SH3RF3: variants seen among roughly 807,000 people sequenced by gnomAD.
The protein encoded by SH3RF3 is E3 ubiquitin-protein ligase SH3RF3.
In SH3RF3, 29 loss-of-function variants were observed where a neutral mutation model predicts 66.3. The ratio of observed to expected loss-of-function variants is 0.44; its 90% CI spans 0.33 to 0.60. The LOEUF (loss-of-function observed/expected upper bound fraction) is 0.60, where lower values mean the gene tolerates loss of function less well. Ranked by LOEUF, SH3RF3 falls within the 20% of genes least tolerant of loss-of-function variation. The probability of loss-of-function intolerance (pLI) is 0.04; values close to 1 mark genes in which losing one functional copy is unlikely to be tolerated. For missense variants in SH3RF3, 1,194 were observed against 1,190.9 expected, an observed-to-expected ratio of 1.00 and a Z score of -0.04; for synonymous variants, 583 against 532.0, an observed-to-expected ratio of 1.10 and a Z score of -1.32.
intron 2 of SH3RF3, among the ~76,000 whole-genome samples, chr2:109,369,707 C>T (rs1574602290): frequency 6.6e-6 from 1 of 152,294 alleles, no homozygotes; most frequent in South Asian, 2.1e-4. Context: ...CCAGCCTGCC[C>T]TCCTTCTGTG....
At chr2:109,373,552 A>G (rs1683320418) in intron 3 of SH3RF3, among the ~76,000 whole-genome samples, 1 of 152,182 alleles carries the variant, frequency 6.6e-6, no homozygotes, top group Non-Finnish European at 1.5e-5. Flanking sequence ...AGCCAGACAT[A>G]AAAGTAAATG....
intron 2 of SH3RF3, among the ~76,000 whole-genome samples, chr2:109,368,954 T>C (rs958936064): frequency 2.0e-5 from 3 of 152,044 alleles, no homozygotes; most frequent in African/African-American, 4.8e-5. Context: ...GGTGGTGAGC[T>C]TGAGAGGCAA....
At chr2:109,222,837 C>G (rs995987868) in intron 1 of SH3RF3, among the ~76,000 whole-genome samples, 17 of 152,266 alleles carry the variant, frequency 1.1e-4, no homozygotes, top group African/African-American at 3.6e-4. Flanking sequence ...TTCCAGTTCT[C>G]AGCCAGCAGC....
At chr2:109,222,696 A>G (rs546745370) in intron 1 of SH3RF3, among the ~76,000 whole-genome samples, 3 of 152,306 alleles carry the variant, frequency 2.0e-5, no homozygotes, top group Admixed American at 6.5e-5. Flanking sequence ...CCTCCTCCCT[A>G]AAACCCTGGG....
At chr2:109,357,371 C>T (rs1295053438) in intron 2 of SH3RF3, among the ~76,000 whole-genome samples, 6 of 152,152 alleles carry the variant, frequency 3.9e-5, no homozygotes, top group African/African-American at 9.6e-5. Flanking sequence ...TTAGTAGAGA[C>T]GAGGTTTCAC....
chr2:109,295,832 C>T (rs1203679126), intron 1 of SH3RF3, among the ~76,000 whole-genome samples: 1 of 152,144 alleles, frequency 6.6e-6, no homozygotes, highest in Non-Finnish European at 1.5e-5. Flanking sequence ...ACTCCCTGCA[C>T]GGGCATCTCT....
At chr2:109,195,629 T>C (rs1263534297) in intron 1 of SH3RF3, among the ~76,000 whole-genome samples, 1 of 152,206 alleles carries the variant, frequency 6.6e-6, no homozygotes, top group Admixed American at 6.5e-5. Context: ...GATGCCTCTT[T>C]CCCCGCAGGC....
At position 109,490,717 on chromosome 2, in the gene SH3RF3, C is replaced by T; in HGVS notation, c.2261C>T (p.Ala754Val). 1 of 1,535,094 alleles carries T rather than the reference C, an allele frequency of 6.5e-7. No homozygotes were observed. Among genetic ancestry groups the T allele is most frequent in the Non-Finnish European group, 8.7e-7 (1 of 1,145,312 alleles). Residue 754 changes from alanine (A) to valine (V), a missense_variant, in exon 9 of 10, where the codon GCC becomes GTC. Ala to Val is a moderately conservative substitution (Grantham distance 64, BLOSUM62 0). Transcript: ENST00000309415. ...PTHDPQVAVD[A>V]LLQGAVGPEV... Reference sequence around the variant, plus strand: ...CACGACCCCCAGGTGGCCGTGGACGCCCTGCTCCAAGGTGCAGTGGGCCCC... The same window carrying T: ...CACGACCCCCAGGTGGCCGTGGACGTCCTGCTCCAAGGTGCAGTGGGCCCC...
chr2:109,357,476 C>T (rs1407983857), intron 2 of SH3RF3, among the ~76,000 whole-genome samples: 6 of 152,296 alleles, frequency 3.9e-5, no homozygotes, highest in South Asian at 4.1e-4. Flanking sequence ...CCACCGCACC[C>T]GGCCAACAGA....
At chr2:109,246,717 C>T (rs1679926708) in intron 1 of SH3RF3, among the ~76,000 whole-genome samples, 1 of 152,198 alleles carries the variant, frequency 6.6e-6, no homozygotes, top group Non-Finnish European at 1.5e-5. Flanking sequence ...GATGTCTCTG[C>T]TCAGATGGAC....
Position 109,347,799 on chromosome 2 carries a change from C to T in SH3RF3, c.699C>T (p.His233=), listed in dbSNP as rs752162249. 1.1e-5 allele frequency: 18 copies of T among 1,613,860 alleles called. No individual in the cohort carries two copies. The highest frequency in any genetic ancestry group is 5.3e-5 in the African/African-American group (4 of 74,916). The part of the protein sequence containing the change: ...LRRKVDEQWY[H]GELHGTQGFL... The stretch of plus-strand genomic sequence containing the variant: ...GCAAGGTGGATGAACAGTGGTACCA[C>T]GGCGAGCTGCACGGCACACAGGGCT... Residue 233 remains histidine (H), a synonymous_variant, in exon 2 of 10, where the codon CAC becomes CAT. Transcript: ENST00000309415.
At chr2:109,472,743 C>T (rs191154331) in intron 8 of SH3RF3, among the ~76,000 whole-genome samples, 205 of 152,288 alleles carry the variant, frequency 1.3e-3, no homozygotes, top group African/African-American at 4.8e-3. Flanking sequence ...GAATGCATTC[C>T]ATTTGATCTA....
intron 1 of SH3RF3, among the ~76,000 whole-genome samples, chr2:109,221,832 T>A (rs1445548106): frequency 6.6e-6 from 1 of 152,142 alleles, no homozygotes; most frequent in African/African-American, 2.4e-5. Flanking sequence ...AACTATCATA[T>A]GATCCAACAA....
At chr2:109,254,603 A>G (rs1023852708) in intron 1 of SH3RF3, among the ~76,000 whole-genome samples, 6 of 152,172 alleles carry the variant, frequency 3.9e-5, no homozygotes, top group African/African-American at 1.4e-4. Context: ...GACTATTCCC[A>G]TGACCCCGTG....
chr2:109,377,769 T>G (rs1188871942), intron 3 of SH3RF3, among the ~76,000 whole-genome samples: 4 of 152,214 alleles, frequency 2.6e-5, no homozygotes, highest in South Asian at 2.1e-4. Context: ...CCTTGGTTGA[T>G]GCAGCAACAT....
chr2:109,215,154 TTC>T (rs752904795), intron 1 of SH3RF3, among the ~76,000 whole-genome samples: 1 of 152,180 alleles, frequency 6.6e-6, no homozygotes, highest in African/African-American at 2.4e-5. Context: ...CTTTCTGTGT[TTC>T]TCTCTCTCTG....
chr2:109,451,211 C>T (rs1307431499), intron 8 of SH3RF3, among the ~76,000 whole-genome samples: 1 of 152,258 alleles, frequency 6.6e-6, no homozygotes, highest in African/African-American at 2.4e-5. Context: ...GCATGAAGGG[C>T]AACAGCTGCT....
intron 3 of SH3RF3, among the ~76,000 whole-genome samples, chr2:109,398,088 C>T (rs1215061822): frequency 6.6e-6 from 1 of 152,192 alleles, no homozygotes; most frequent in Non-Finnish European, 1.5e-5. Context: ...GAGCAGACTC[C>T]CCTGCCACAG....
At chr2:109,453,454 A>G (rs1180058223) in intron 8 of SH3RF3, among the ~76,000 whole-genome samples, 5 of 152,202 alleles carry the variant, frequency 3.3e-5, no homozygotes, top group African/African-American at 1.2e-4. Context: ...CTGGTTTTGA[A>G]ACTGTGTGAG....
Sources: gnomAD v4.1 joint callset for allele counts (sites outside exome capture counted in the v4.1 genomes callset) on GRCh38, gnomAD v4.1.1 for gene constraint, MANE v1.5 for transcripts, NCBI Gene and HGNC (gene_info 2026-07-23, HGNC 2026-07-21) for gene names.